ZFPM2: variants seen among roughly 807,000 people sequenced by gnomAD.
ZFPM2 encodes the protein zinc finger protein ZFPM2.
ZFPM2 carries 20 observed loss-of-function variants against 98.6 expected under a neutral mutation model. That is an observed-to-expected ratio of 0.20 (90% CI 0.14 to 0.29). The LOEUF (loss-of-function observed/expected upper bound fraction) is 0.29. ZFPM2 is among the 10% of genes least tolerant of loss of function. The probability of loss-of-function intolerance (pLI) is 1.00; values close to 1 mark genes in which losing one functional copy is unlikely to be tolerated. For synonymous variants in ZFPM2, 518 were observed against 502.7 expected (o/e 1.03, Z -0.41); for missense variants, 1,310 against 1,388.6 (o/e 0.94, Z 0.90).
intron 5 of ZFPM2, among the ~76,000 whole-genome samples, chr8:105,659,924 G>A (rs1817355417): frequency 6.6e-6 from 1 of 152,098 alleles, no homozygotes; most frequent in Non-Finnish European, 1.5e-5. Flanking sequence ...CTTCATAAAG[G>A]TTAAGTAACC....
intron 5 of ZFPM2, chr8:105,780,410 A>G (rs1316394757): frequency 2.0e-5 from 3 of 152,226 alleles, no homozygotes; most frequent in African/African-American, 7.2e-5. Flanking sequence ...AATCACTTCA[A>G]AATAATAAAG....
At chr8:105,354,425 A>G (rs1339545851) in intron 1 of ZFPM2, among the ~76,000 whole-genome samples, 1 of 152,212 alleles carries the variant, frequency 6.6e-6, no homozygotes, top group Non-Finnish European at 1.5e-5. Flanking sequence ...GTTCTGTTTA[A>G]ACATTCATCA....
At chr8:105,625,241 C>T (rs1816629983) in intron 4 of ZFPM2, among the ~76,000 whole-genome samples, 1 of 151,914 alleles carries the variant, frequency 6.6e-6, no homozygotes. Flanking sequence ...GTAGGTATAG[C>T]ATATAATTTT....
At chr8:105,341,446 T>C (rs1459838111) in intron 1 of ZFPM2, among the ~76,000 whole-genome samples, 2 of 151,860 alleles carry the variant, frequency 1.3e-5, no homozygotes, top group Non-Finnish European at 2.9e-5. Context: ...TATAATACAA[T>C]AACATTAAAA....
chr8:105,459,649 T>C (rs1302574573), intron 3 of ZFPM2, among the ~76,000 whole-genome samples: 1 of 152,198 alleles, frequency 6.6e-6, no homozygotes, highest in Non-Finnish European at 1.5e-5. Context: ...GGCTGTCTTC[T>C]TGCTGCATCC....
intron 5 of ZFPM2, chr8:105,685,600 T>A (rs1309151203): frequency 1.3e-5 from 2 of 152,084 alleles, no homozygotes; most frequent in Non-Finnish European, 2.9e-5. Flanking sequence ...TGCCCTAGTA[T>A]CTTTGTTTAT....
chr8:105,514,915 A>T (rs1293464425), intron 3 of ZFPM2, among the ~76,000 whole-genome samples: 1 of 152,196 alleles, frequency 6.6e-6, no homozygotes, highest in Non-Finnish European at 1.5e-5. Context: ...ATATGAATGA[A>T]TGCATCAGAG....
At chr8:105,542,114 T>G (rs957780824) in intron 3 of ZFPM2, among the ~76,000 whole-genome samples, 5 of 152,154 alleles carry the variant, frequency 3.3e-5, no homozygotes, top group Non-Finnish European at 7.4e-5. Flanking sequence ...ATTAATAATT[T>G]TTATATGAAA....
At chr8:105,626,008 GGGAA>G (rs1358018777) in intron 4 of ZFPM2, among the ~76,000 whole-genome samples, 5 of 151,126 alleles carry the variant, frequency 3.3e-5, no homozygotes, top group Admixed American at 6.6e-5. Flanking sequence ...GAGGGAGGGA[GGGAA>G]GGAAGGAAGG....
chr8:105,500,129 A>T (rs1156679205), intron 3 of ZFPM2, among the ~76,000 whole-genome samples: 3 of 152,170 alleles, frequency 2.0e-5, no homozygotes, highest in Non-Finnish European at 4.4e-5. Flanking sequence ...GTGGCTAAAT[A>T]TTAAAAACTT....
intron 5 of ZFPM2, among the ~76,000 whole-genome samples, chr8:105,667,903 C>T (rs766255291): frequency 3.7e-4 from 57 of 152,090 alleles, no homozygotes; most frequent in Non-Finnish European, 6.2e-4. Flanking sequence ...TATTGTGATA[C>T]ACCTCAGTAG....
intron 4 of ZFPM2, among the ~76,000 whole-genome samples, chr8:105,620,559 G>A (rs1816517871): frequency 1.3e-5 from 2 of 152,078 alleles, no homozygotes; most frequent in South Asian, 4.1e-4. Flanking sequence ...TGTCTATTTT[G>A]GCTTTTATTG....
rs779236742 is a variant in ZFPM2, at chr8:105,802,289, G to A, written c.2207G>A (p.Arg736His). 3.7e-6 allele frequency: 6 copies of A among 1,613,752 alleles called. No homozygotes were observed. Among genetic ancestry groups the A allele is most frequent in the South Asian group, 2.2e-5 (2 of 91,048 alleles). The change falls in exon 8 of 8, where the codon CGC (arginine) becomes CAC (histidine). Residue 736 changes from arginine to histidine, a missense_variant. Physicochemically the swap from Arg to His is conservative, Grantham distance 29. Transcript: ENST00000407775. ...GCCATGCAGAGAACCATGCGCACAC[G>A]CAAGCGCAGAAAGATGTATGAGATG... ...VPAMQRTMRT[R>H]KRRKMYEMCL...
chr8:105,801,003 A>C (rs1434903435), intron 7 of ZFPM2, 44 bp from the exon 8 acceptor site: 1 of 1,551,104 alleles, frequency 6.4e-7, no homozygotes, highest in Non-Finnish European at 8.8e-7. Flanking sequence ...TTCAAAAACC[A>C]ACACACATGT....
rs1458083554 is a variant in ZFPM2 at position 105,318,887 on chromosome 8, G to GGCAGCC, written c.-52_-47dup. On this transcript the variant is annotated 5_prime_UTR_variant, in exon 1 of 8. Transcript: ENST00000407775. The stretch of plus-strand genomic sequence containing the variant: ...CGGCGGCGGCGGGAGCCGAGGGAGC[G>GGCAGCC]GCAGCCGCGACCGCGGGCACCGCGG... 13 of 819,218 alleles carry GGCAGCC rather than the reference G, an allele frequency of 1.6e-5. No homozygotes were observed. Among genetic ancestry groups the GGCAGCC allele is most frequent in the Non-Finnish European group, 2.1e-5 (13 of 611,240 alleles). The allele number at this position is 819,218 out of a possible 1,614,324, so 50.7% of individuals were successfully genotyped here.
intron 3 of ZFPM2, among the ~76,000 whole-genome samples, chr8:105,524,153 G>T (rs954321418): frequency 1.1e-4 from 16 of 152,208 alleles, no homozygotes; most frequent in African/African-American, 3.9e-4. Context: ...GAGGCACTTT[G>T]GGGAGATATA....
At chr8:105,353,471 A>T (rs1812686807) in intron 1 of ZFPM2, among the ~76,000 whole-genome samples, 2 of 152,156 alleles carry the variant, frequency 1.3e-5, no homozygotes, top group South Asian at 4.1e-4. Flanking sequence ...GTTTTAAACA[A>T]CCTATGCCCA....
At chr8:105,549,594 C>CCTCT (rs1408732071) in intron 3 of ZFPM2, among the ~76,000 whole-genome samples, 177 of 140,784 alleles carry the variant, frequency 1.3e-3, no homozygotes, top group African/African-American at 4.3e-3. Context: ...TTCTTTCCTT[C>CCTCT]CTCTATCTCT....
At chr8:105,375,655 C>A (rs767671986) in intron 1 of ZFPM2, among the ~76,000 whole-genome samples, 65 of 152,166 alleles carry the variant, frequency 4.3e-4, no homozygotes, top group Admixed American at 1.2e-3. Flanking sequence ...GCAGATGAGG[C>A]CTTGGTATGC....
Sources: gnomAD v4.1 joint callset for allele counts (sites outside exome capture counted in the v4.1 genomes callset) on GRCh38, gnomAD v4.1.1 for gene constraint, MANE v1.5 for transcripts, NCBI Gene and HGNC (gene_info 2026-07-23, HGNC 2026-07-21) for gene names.